The following TBC1D4 variants were observed in gnomAD, a reference collection of about 807,000 sequenced individuals.
TBC1D4 encodes TBC (Tre-2, BUB2, CDC16) domain-containing protein.
TBC1D4 carries 121 observed loss-of-function variants against 142.5 expected under a neutral mutation model. The observed-to-expected ratio is 0.85, with a 90% CI of 0.73 to 0.99. The LOEUF (loss-of-function observed/expected upper bound fraction) is 0.99, where lower values mean the gene tolerates loss of function less well. Ranked by LOEUF, TBC1D4 falls within the 50% of genes least tolerant of loss-of-function variation. TBC1D4 has a pLI of 0.00. For synonymous variants in TBC1D4, 630 were observed against 628.2 expected (o/e 1.00, Z -0.04); for missense variants, 1,475 against 1,606.6 (o/e 0.92, Z 1.40).
At chr13:75,408,919 T>C (rs1307919647) in intron 1 of TBC1D4, among the ~76,000 whole-genome samples, 1 of 152,190 alleles carries the variant, frequency 6.6e-6, no homozygotes, top group African/African-American at 2.4e-5. Context: ...AATTGGATTA[T>C]CTTTATTATT....
intron 1 of TBC1D4, among the ~76,000 whole-genome samples, chr13:75,434,660 A>T (rs1181774010): frequency 6.6e-6 from 1 of 152,128 alleles, no homozygotes; most frequent in East Asian, 1.9e-4. Context: ...TTAACGAAAT[A>T]AATAAAAAGC....
chr13:75,289,071 C>A lies in TBC1D4; in HGVS notation c.3526G>T (p.Glu1176Ter). The A allele has an allele frequency of 6.2e-7, 1 of 1,613,834 alleles. No homozygotes were observed. The highest frequency in any genetic ancestry group is 8.5e-7 in the Non-Finnish European group (1 of 1,179,856). The change falls in exon 20 of 21, where the codon GAG becomes TAG. Residue 1176 changes from glutamate (E) to a stop codon, truncating the protein, a stop_gained. Coordinates refer to ENST00000377636, the MANE Select transcript of TBC1D4 (RefSeq NM_014832.5). LOFTEE classifies it high-confidence loss of function. ...MDISKQLHAY[E>*]VEYHVLQDEL... ...TCCTGTAGCACATGATATTCCACCT[C>A]ATAGGCATGCAACTGCTTAGAAATA...
chr13:75,356,811 T>G (rs1474826993), intron 3 of TBC1D4, among the ~76,000 whole-genome samples: 1 of 152,108 alleles, frequency 6.6e-6, no homozygotes, highest in Non-Finnish European at 1.5e-5. Context: ...CAGTGACAAA[T>G]CATTGTACTT....
chr13:75,481,561 G>T lies in TBC1D4; in HGVS notation c.207C>A (p.Pro69=). 1 of 1,598,396 alleles carries T rather than the reference G, an allele frequency of 6.3e-7. No individual in the cohort carries two copies. Among genetic ancestry groups the T allele is most frequent in the Non-Finnish European group, 8.5e-7 (1 of 1,172,616 alleles). ...CCGGCGCCCCGCAGCCGCCCGCCTC[G>T]GGCTTCTGGCTGCGCCTGCGGATCT... is the stretch of plus-strand genomic sequence containing the variant. ...MAEIRRRSQK[P]EAGGCGAPAA... Residue 69 remains proline (P), a synonymous_variant, in exon 1 of 21, where the codon CCC becomes CCA. Transcript: ENST00000377636.
At chr13:75,411,535 CT>C (rs200625310) in intron 1 of TBC1D4, among the ~76,000 whole-genome samples, 1 of 151,682 alleles carries the variant, frequency 6.6e-6, no homozygotes, top group South Asian at 2.1e-4. Flanking sequence ...CACAGAGCCT[CT>C]TTTTTTTGAG....
rs541877721 is a variant in TBC1D4, at chr13:75,367,260, C to T, written c.499-4653G>A. ...ACTGTTTAAATAATCACAAGTGTCC[C>T]ATGCTTACTAATTATGGATATAAGA... On this transcript the variant is annotated intron_variant, in intron 1 of 20. Transcript: ENST00000377636. Among the ~76,000 whole-genome samples the T allele has an allele frequency of 2.0e-5, 3 of 152,202 alleles. No individual in the cohort carries two copies. The East Asian group carries it at 5.8e-4, about 29-fold the overall frequency.
At chr13:75,395,294 G>A (rs548136166) in intron 1 of TBC1D4, among the ~76,000 whole-genome samples, 1 of 152,044 alleles carries the variant, frequency 6.6e-6, no homozygotes, top group African/African-American at 2.4e-5. Context: ...GCCTCTTTCT[G>A]GTATATCTAA....
At chr13:75,356,014 A>G (rs1439932359) in intron 4 of TBC1D4, 133 bp downstream of exon 4, 1 of 724,306 alleles carries the variant, frequency 1.4e-6, no homozygotes, top group Non-Finnish European at 2.5e-6. Flanking sequence ...TTTGAAGGGG[A>G]GGAACATATT....
intron 5 of TBC1D4, among the ~76,000 whole-genome samples, chr13:75,348,370 A>G (rs1881323236): frequency 6.6e-6 from 1 of 152,172 alleles, no homozygotes; most frequent in Non-Finnish European, 1.5e-5. Flanking sequence ...ATTACATTTA[A>G]TTGCTAATAC....
chr13:75,378,626 C>T lies in TBC1D4; in HGVS notation c.499-16019G>A, dbSNP rs373926220. Among the ~76,000 whole-genome samples the T allele has an allele frequency of 3.9e-5, 6 of 152,122 alleles. No homozygotes were observed. The East Asian group carries it at 7.7e-4, about 20-fold the overall frequency. ...AATGATAGCTGTGTAGGAATGAGGA[C>T]CTATGCTAAAACTTTTACATTCAAT... On this transcript the variant is annotated intron_variant, in intron 1 of 20. Coordinates refer to ENST00000377636, the MANE Select transcript of TBC1D4 (RefSeq NM_014832.5).
intron 10 of TBC1D4, 127 bp downstream of exon 10, chr13:75,326,070 T>C (rs1423063587): frequency 8.2e-6 from 9 of 1,093,382 alleles, no homozygotes; most frequent in Middle Eastern, 2.0e-4. Context: ...ACTTAATTTG[T>C]TTTTATGGTG....
At chr13:75,430,664 A>G (rs1886559804) in intron 1 of TBC1D4, among the ~76,000 whole-genome samples, 1 of 152,188 alleles carries the variant, frequency 6.6e-6, no homozygotes, top group Non-Finnish European at 1.5e-5. Context: ...CCAAATGTTT[A>G]TTATATGTGC....
chr13:75,412,473 A>T (rs535043777), intron 1 of TBC1D4, among the ~76,000 whole-genome samples: 2 of 151,578 alleles, frequency 1.3e-5, no homozygotes, highest in Non-Finnish European at 2.9e-5. Flanking sequence ...TATTTTTTTT[A>T]TTTTTTATTT....
intron 1 of TBC1D4, among the ~76,000 whole-genome samples, chr13:75,479,425 T>C (rs1173600806): frequency 6.6e-6 from 1 of 152,186 alleles, no homozygotes; most frequent in African/African-American, 2.4e-5. Context: ...TTAATATTTA[T>C]ATAGTTCAGC....
chr13:75,292,758 C>T (rs1875458422), intron 18 of TBC1D4, among the ~76,000 whole-genome samples: 1 of 150,308 alleles, frequency 6.7e-6, no homozygotes, highest in Non-Finnish European at 1.5e-5. Context: ...AAAATTAAAA[C>T]AAATGAAAAA....
At chr13:75,456,509 A>C (rs893674930) in intron 1 of TBC1D4, among the ~76,000 whole-genome samples, 5 of 151,866 alleles carry the variant, frequency 3.3e-5, no homozygotes, top group African/African-American at 1.2e-4. Flanking sequence ...CACTTCACAA[A>C]AGATAACATC....
chr13:75,294,690 A>C (rs1238613017), intron 18 of TBC1D4, among the ~76,000 whole-genome samples, 164 bp downstream of exon 18: 1 of 152,210 alleles, frequency 6.6e-6, no homozygotes, highest in Non-Finnish European at 1.5e-5. Flanking sequence ...GTATGATTTT[A>C]AGTTACTGTC....
intron 1 of TBC1D4, among the ~76,000 whole-genome samples, chr13:75,409,721 A>C (rs1885514192): frequency 6.6e-6 from 1 of 152,202 alleles, no homozygotes; most frequent in Admixed American, 6.5e-5. Context: ...CTGTCAACAA[A>C]GGCTTTCAAG....
chr13:75,321,011 GC>G (rs1483098827), intron 11 of TBC1D4, among the ~76,000 whole-genome samples: 1 of 150,512 alleles, frequency 6.6e-6, no homozygotes, highest in Non-Finnish European at 1.5e-5. Flanking sequence ...CTGCACTCCA[GC>G]CCGGGCGACA....
Sources: allele counts gnomAD v4.1 joint callset (sites outside exome capture counted in the v4.1 genomes callset), GRCh38; gene constraint gnomAD v4.1.1; transcripts MANE v1.5; gene names NCBI Gene and HGNC (gene_info 2026-07-23, HGNC 2026-07-21).